The following FRMD3 variants were observed in gnomAD, a reference collection of about 807,000 sequenced individuals.
FRMD3 encodes the protein FERM domain containing 3.
A neutral mutation model predicts 70.2 loss-of-function variants in FRMD3; 33 were observed. The observed-to-expected ratio is 0.47, with a 90% CI of 0.36 to 0.63. FRMD3 has a LOEUF of 0.63. FRMD3 is among the 20% of genes least tolerant of loss of function. FRMD3 has a pLI of 0.00. For synonymous variants in FRMD3, 279 were observed against 255.9 expected (o/e 1.09, Z -0.86); for missense variants, 632 against 711.4 (o/e 0.89, Z 1.27).
intron 1 of FRMD3, 120 bp from the exon 2 acceptor site, chr9:83,389,828 C>T (rs1301358427): frequency 1.5e-6 from 1 of 663,620 alleles, no homozygotes; most frequent in Non-Finnish European, 2.7e-6. Context: ...CACTCCAGTC[C>T]CTGAAGAAGG....
intron 3 of FRMD3, among the ~76,000 whole-genome samples, chr9:83,365,915 G>A (rs963575885): frequency 5.3e-5 from 8 of 152,150 alleles, no homozygotes; most frequent in Non-Finnish European, 8.8e-5. Context: ...CAAGAGGACA[G>A]TGTCTAGAGA....
rs1828534685 is a variant in FRMD3 at position 83,480,214 on chromosome 9, AAT to A, written c.147+57869_147+57870del. On this transcript the variant is annotated intron_variant, in intron 1 of 13. Transcript: ENST00000304195. ...ATGCCCATAAATAGGGCAGCAAATG[AAT>A]AAACTGTAGTCTATTCATATAACAG... Among the ~76,000 whole-genome samples, 4 of 152,304 alleles carry A rather than the reference AAT, an allele frequency of 2.6e-5. No individual in the cohort carries two copies. In the South Asian group the frequency reaches 8.3e-4, roughly 32 times the overall value.
intron 3 of FRMD3, among the ~76,000 whole-genome samples, chr9:83,353,076 T>G (rs942032580): frequency 2.6e-5 from 4 of 152,182 alleles, no homozygotes; most frequent in African/African-American, 9.7e-5. Flanking sequence ...TCTATTTTTT[T>G]TCTACCATCA....
At chr9:83,296,634 C>T (rs1233276168) in intron 12 of FRMD3, among the ~76,000 whole-genome samples, 2 of 152,124 alleles carry the variant, frequency 1.3e-5, no homozygotes, top group African/African-American at 4.8e-5. Context: ...GGAGGTGGAA[C>T]AGAAAGAGCA....
chr9:83,283,030 CA>C (rs533863285), intron 13 of FRMD3, among the ~76,000 whole-genome samples: 1 of 150,480 alleles, frequency 6.6e-6, no homozygotes, highest in Non-Finnish European at 1.5e-5. Flanking sequence ...AATACAAAAA[CA>C]AAAAAAAGAA....
intron 1 of FRMD3, among the ~76,000 whole-genome samples, chr9:83,526,098 C>T (rs1829678413): frequency 6.6e-6 from 1 of 152,118 alleles, no homozygotes; most frequent in African/African-American, 2.4e-5. Flanking sequence ...ATCAACGTAC[C>T]CAAAATGGAA....
Position 83,355,705 on chromosome 9 carries a change from T to C in FRMD3, c.296-5948A>G, listed in dbSNP as rs375421665. ...TGTGTTCTGTTGAGATAAACACTCCTACCAGAAGAAGAGAAGGAAAATGGG... is the reference window on the plus strand; with the variant it reads ...TGTGTTCTGTTGAGATAAACACTCCCACCAGAAGAAGAGAAGGAAAATGGG... On this transcript the variant is annotated intron_variant, in intron 3 of 13. Transcript: ENST00000304195. Among the ~76,000 whole-genome samples, 91 of 152,250 alleles carry C rather than the reference T, an allele frequency of 6.0e-4. No individual in the cohort carries two copies. The Middle Eastern group carries it at 0.017, about 28-fold the overall frequency.
At chr9:83,477,254 C>A (rs1277292573) in intron 1 of FRMD3, among the ~76,000 whole-genome samples, 2 of 152,144 alleles carry the variant, frequency 1.3e-5, no homozygotes, top group Non-Finnish European at 2.9e-5. Context: ...GCCAAGAAAG[C>A]CTTCCCCTGA....
At chr9:83,565,860 CT>C in the FRMD3 span, among the ~76,000 whole-genome samples, 4 of 152,184 alleles carry the variant, frequency 2.6e-5, no homozygotes, top group Admixed American at 2.6e-4. Flanking sequence ...AATTGGTCTC[CT>C]TTTGCATCAA....
At chr9:83,434,594 C>T (rs935271338) in intron 1 of FRMD3, among the ~76,000 whole-genome samples, 1 of 152,146 alleles carries the variant, frequency 6.6e-6, no homozygotes, top group Admixed American at 6.5e-5. Flanking sequence ...TTTTAACAAG[C>T]TTTTAAAAGC....
chr9:83,502,783 T>C (rs1829099752), intron 1 of FRMD3, among the ~76,000 whole-genome samples: 1 of 152,124 alleles, frequency 6.6e-6, no homozygotes, highest in Non-Finnish European at 1.5e-5. Flanking sequence ...GATCATATAT[T>C]GATATAAAAG....
intron 1 of FRMD3, among the ~76,000 whole-genome samples, chr9:83,506,524 G>A (rs1212999949): frequency 6.6e-6 from 1 of 152,084 alleles, no homozygotes; most frequent in African/African-American, 2.4e-5. Flanking sequence ...ACATAGAAAA[G>A]GTACAGTAAA....
At chr9:83,454,075 A>C (rs1346277247) in intron 1 of FRMD3, among the ~76,000 whole-genome samples, 3 of 152,192 alleles carry the variant, frequency 2.0e-5, no homozygotes, top group African/African-American at 7.2e-5. Flanking sequence ...CTTATGTTAT[A>C]ATTTTATTCA....
the FRMD3 span, among the ~76,000 whole-genome samples, chr9:83,574,320 G>A: frequency 6.6e-6 from 1 of 152,086 alleles, no homozygotes; most frequent in Non-Finnish European, 1.5e-5. Flanking sequence ...TACAAATGTG[G>A]AGGAAAAACA....
chr9:83,423,797 T>C (rs921151861), intron 1 of FRMD3, among the ~76,000 whole-genome samples: 3 of 151,870 alleles, frequency 2.0e-5, no homozygotes, highest in Non-Finnish European at 4.4e-5. Flanking sequence ...GGTTTCACCA[T>C]GTTGGCCAGG....
At chr9:83,402,273 C>T (rs1825971036) in intron 1 of FRMD3, among the ~76,000 whole-genome samples, 2 of 145,884 alleles carry the variant, frequency 1.4e-5, no homozygotes, top group South Asian at 4.5e-4. Flanking sequence ...CAGAATTCCT[C>T]CTGAAATTGC....
intron 1 of FRMD3, among the ~76,000 whole-genome samples, chr9:83,500,500 G>GCACACACACACACACACACA (rs377538475): frequency 2.2e-4 from 30 of 136,716 alleles, no homozygotes; most frequent in Admixed American, 1.3e-3. Flanking sequence ...GCGTGTATGC[G>GCACACACACACACACACACA]CGCACACACA....
chr9:83,294,078 A>C (rs750111195), intron 12 of FRMD3, among the ~76,000 whole-genome samples: 4 of 152,236 alleles, frequency 2.6e-5, no homozygotes, highest in Non-Finnish European at 5.9e-5. Flanking sequence ...TCATTTGTTG[A>C]AACCTAAACT....
At chr9:83,353,927 C>CTT (rs148346199) in intron 3 of FRMD3, among the ~76,000 whole-genome samples, 1 of 149,854 alleles carries the variant, frequency 6.7e-6, no homozygotes, top group Non-Finnish European at 1.5e-5. Context: ...AAAATTTTGT[C>CTT]TTTTTTTTTT....
Sources: allele counts gnomAD v4.1 joint callset (sites outside exome capture counted in the v4.1 genomes callset), GRCh38; gene constraint gnomAD v4.1.1; transcripts MANE v1.5; gene names NCBI Gene and HGNC (gene_info 2026-07-23, HGNC 2026-07-21).